The following DPP6 variants were observed in gnomAD, a reference collection of about 807,000 sequenced individuals.
DPP6 encodes A-type potassium channel modulatory protein DPP6.
Under a neutral mutation model 122.6 loss-of-function variants are expected in DPP6, and 69 were observed. That is an observed-to-expected ratio of 0.56 (90% confidence interval 0.46 to 0.69). The LOEUF (loss-of-function observed/expected upper bound fraction) is 0.69. DPP6 is among the 30% of genes least tolerant of loss of function. The pLI is 0.00. For synonymous variants in DPP6, 418 were observed against 433.1 expected, an observed-to-expected ratio of 0.97 and a Z score of 0.43; for missense variants, 928 against 1,116.9, an observed-to-expected ratio of 0.83 and a Z score of 2.41.
chr7:154,715,036 T>TATTTC (rs1841400051), intron 7 of DPP6, among the ~76,000 whole-genome samples: 2 of 58,104 alleles, frequency 3.4e-5, no homozygotes, highest in African/African-American at 4.8e-5. Context: ...ATATGATAAC[T>TATTTC]ATTTTATTTT....
intron 1 of DPP6, among the ~76,000 whole-genome samples, chr7:154,167,934 G>T (rs1797337012): frequency 6.6e-6 from 1 of 152,186 alleles, no homozygotes; most frequent in Non-Finnish European, 1.5e-5. Context: ...AGACTGGCCT[G>T]TCTCGCACCT....
At chr7:153,981,488 CTT>C (rs777245250) in intron 1 of DPP6, among the ~76,000 whole-genome samples, 119 of 152,232 alleles carry the variant, frequency 7.8e-4, no homozygotes, top group Non-Finnish European at 1.3e-3. Flanking sequence ...GGTCTTGACT[CTT>C]TATCCAATTT....
chr7:153,959,796 T>C (rs1027733399), intron 1 of DPP6, among the ~76,000 whole-genome samples: 1 of 152,218 alleles, frequency 6.6e-6, no homozygotes, highest in African/African-American at 2.4e-5. Context: ...TTCACTGGAG[T>C]AGCACTTTTA....
chr7:153,873,145 C>A, the DPP6 span, among the ~76,000 whole-genome samples: 5 of 152,154 alleles, frequency 3.3e-5, no homozygotes, highest in Non-Finnish European at 7.3e-5. Flanking sequence ...GAACACAAAG[C>A]AGAGGGGGAG....
At chr7:154,266,535 A>G (rs1164860381) in intron 1 of DPP6, among the ~76,000 whole-genome samples, 1 of 152,126 alleles carries the variant, frequency 6.6e-6, no homozygotes, top group African/African-American at 2.4e-5. Flanking sequence ...GTGGAGATTA[A>G]GCCATTGCAC....
At chr7:153,774,447 A>G in the DPP6 span, among the ~76,000 whole-genome samples, 2 of 152,200 alleles carry the variant, frequency 1.3e-5, no homozygotes, top group Non-Finnish European at 2.9e-5. Context: ...ATGTTAATCG[A>G]TATGTCAATC....
At chr7:153,868,576 A>G in the DPP6 span, among the ~76,000 whole-genome samples, 1 of 151,586 alleles carries the variant, frequency 6.6e-6, no homozygotes, top group Non-Finnish European at 1.5e-5. Flanking sequence ...CAGTCTATCA[A>G]TTTTGTTGAT....
intron 7 of DPP6, among the ~76,000 whole-genome samples, chr7:154,689,659 G>C (rs1476699883): frequency 6.6e-6 from 1 of 152,120 alleles, no homozygotes; most frequent in Admixed American, 6.5e-5. Flanking sequence ...TTATTAGAAT[G>C]GTAGGTACTT....
At chr7:154,166,713 C>T (rs537054759) in intron 1 of DPP6, among the ~76,000 whole-genome samples, 1 of 144,140 alleles carries the variant, frequency 6.9e-6, no homozygotes, top group South Asian at 2.1e-4. Flanking sequence ...GAGTTCAAGA[C>T]CAGCCTGGCC....
intron 1 of DPP6, among the ~76,000 whole-genome samples, chr7:154,157,098 G>A (rs1420821625): frequency 2.0e-5 from 3 of 152,364 alleles, no homozygotes; most frequent in East Asian, 3.9e-4. Context: ...TTTGCTTAAG[G>A]TGTTCACATT....
At chr7:153,749,394 C>T in the DPP6 span, among the ~76,000 whole-genome samples, 6 of 152,230 alleles carry the variant, frequency 3.9e-5, no homozygotes, top group Non-Finnish European at 7.4e-5. The surrounding 1 kb of genome is among the most constrained non-coding windows in gnomAD (Gnocchi z 4.1). Flanking sequence ...ATCAGACCCC[C>T]CTGGGCCAGA....
chr7:154,053,537 A>C (rs1371077903), intron 1 of DPP6, among the ~76,000 whole-genome samples: 14 of 142,042 alleles, frequency 9.9e-5, no homozygotes, highest in Admixed American at 7.0e-5. Flanking sequence ...TCTCCTACTC[A>C]CTCTGTCCCT....
intron 1 of DPP6, among the ~76,000 whole-genome samples, chr7:154,201,833 C>T (rs1018866239): frequency 2.6e-5 from 4 of 152,190 alleles, no homozygotes; most frequent in African/African-American, 4.8e-5. Flanking sequence ...AAACACATGT[C>T]CTGAAACCAT....
At chr7:154,463,308 C>T (rs548812972) in intron 2 of DPP6, among the ~76,000 whole-genome samples, 12 of 147,066 alleles carry the variant, frequency 8.2e-5, no homozygotes, top group African/African-American at 1.3e-4. Context: ...CCCGGGTTCA[C>T]GCCATTCTCC....
At chr7:154,032,723 T>G (rs1799305869) in intron 1 of DPP6, among the ~76,000 whole-genome samples, 2 of 152,278 alleles carry the variant, frequency 1.3e-5, no homozygotes, top group South Asian at 4.1e-4. Context: ...CACCAGATTG[T>G]TCTAGGAGTT....
chr7:154,527,753 A>G (rs1023431738), intron 3 of DPP6, among the ~76,000 whole-genome samples: 1 of 152,200 alleles, frequency 6.6e-6, no homozygotes, highest in African/African-American at 2.4e-5. Context: ...ACACTTAGTA[A>G]TGAGATTTGT....
At chr7:154,513,366 A>G (rs1341379880) in intron 3 of DPP6, among the ~76,000 whole-genome samples, 2 of 152,290 alleles carry the variant, frequency 1.3e-5, no homozygotes, top group South Asian at 2.1e-4. Context: ...CAGAAAAGCT[A>G]ATTGCCCCAA....
chr7:154,083,232 A>C (rs1402012649), intron 1 of DPP6, among the ~76,000 whole-genome samples: 1 of 152,118 alleles, frequency 6.6e-6, no homozygotes, highest in Non-Finnish European at 1.5e-5. Context: ...GGGCTGCTAC[A>C]TGGACCTGAT....
chr7:154,366,239 A>G (rs1349961698), intron 1 of DPP6, among the ~76,000 whole-genome samples: 2 of 152,232 alleles, frequency 1.3e-5, no homozygotes, highest in Non-Finnish European at 1.5e-5. Flanking sequence ...AGATGAAGAC[A>G]AAGTGCGAGC....
Sources: allele counts gnomAD v4.1 joint callset (sites outside exome capture counted in the v4.1 genomes callset), GRCh38; gene constraint gnomAD v4.1.1; non-coding constraint Gnocchi (gnomAD v3.1); transcripts MANE v1.5; gene names NCBI Gene and HGNC (gene_info 2026-07-23, HGNC 2026-07-21).